The following DCP1B variants were observed in gnomAD, a reference collection of about 807,000 sequenced individuals.
DCP1B encodes mRNA-decapping enzyme 1B.
A neutral mutation model predicts 60.5 loss-of-function variants in DCP1B; 47 were observed. The ratio of observed to expected loss-of-function variants is 0.78; its 90% CI spans 0.61 to 0.99. The LOEUF is 0.99. Among genes scored for constraint, DCP1B ranks in the 50% least tolerant of loss-of-function variants. The pLI is 0.00. For synonymous variants in DCP1B, 267 were observed against 280.3 expected, an observed-to-expected ratio of 0.95 and a Z score of 0.47; for missense variants, 725 against 756.8, an observed-to-expected ratio of 0.96 and a Z score of 0.49.
intron 2 of DCP1B, among the ~76,000 whole-genome samples, chr12:1,995,412 T>G (rs2040563373): frequency 6.6e-6 from 1 of 152,258 alleles, no homozygotes; most frequent in Non-Finnish European, 1.5e-5. Flanking sequence ...GTGCTCATAC[T>G]CTACCCAATA....
chr12:1,960,762 C>T (rs371161778), intron 5 of DCP1B, among the ~76,000 whole-genome samples: 3 of 152,114 alleles, frequency 2.0e-5, no homozygotes, highest in Non-Finnish European at 4.4e-5. Flanking sequence ...AATACTTATC[C>T]AACACAAGCC....
intron 3 of DCP1B, among the ~76,000 whole-genome samples, chr12:1,977,527 G>A (rs756403534): frequency 1.1e-4 from 16 of 152,158 alleles, no homozygotes; most frequent in Admixed American, 2.0e-4. Flanking sequence ...AGTGATTTGC[G>A]AATTTTGTTA....
At chr12:1,961,602 C>T (rs2031127332) in intron 5 of DCP1B, among the ~76,000 whole-genome samples, 3 of 152,168 alleles carry the variant, frequency 2.0e-5, no homozygotes, top group South Asian at 4.1e-4. Context: ...AACCAGTTTA[C>T]AGTGTACTGG....
chr12:1,993,675 T>C (rs1249001649), intron 2 of DCP1B, among the ~76,000 whole-genome samples: 1 of 150,244 alleles, frequency 6.7e-6, no homozygotes, highest in Non-Finnish European at 1.5e-5. Flanking sequence ...TGTTGTTTAT[T>C]TCTTAACCTA....
At chr12:1,943,529 G>A (rs542145670), downstream of DCP1B, among the ~76,000 whole-genome samples, 2 of 152,070 alleles carry the variant, frequency 1.3e-5, no homozygotes, top group African/African-American at 2.4e-5. Flanking sequence ...ACATCAAAGC[G>A]AAAATCCTTA....
At position 1,993,318 on chromosome 12, in the gene DCP1B, T is replaced by C; in HGVS notation, c.265A>G (p.Lys89Glu). 1 of 1,614,146 alleles carries C rather than the reference T, an allele frequency of 6.2e-7. No homozygotes were observed. Among genetic ancestry groups the C allele is most frequent in the Non-Finnish European group, 8.5e-7 (1 of 1,179,978 alleles). Residue 89 changes from lysine (K) to glutamate (E), a missense_variant, in exon 3 of 9, where the codon AAA (lysine) becomes GAA (glutamate). Transcript: ENST00000280665. ...TCCTGGAGTTGGAAATCCAAGTCTT[T>C]AGTAATAGGTTCTGTCCTATTTTCC... ...SMENRTEPIT[K>E]DLDFQLQDPF... is the part of the protein sequence containing the mutation.
intron 5 of DCP1B, among the ~76,000 whole-genome samples, chr12:1,964,602 T>C (rs1405113136): frequency 6.6e-6 from 1 of 152,236 alleles, no homozygotes; most frequent in Non-Finnish European, 1.5e-5. Flanking sequence ...TCCTGGTGTA[T>C]GCTGTAAGGT....
At chr12:1,998,266 A>C (rs185070315) in intron 1 of DCP1B, among the ~76,000 whole-genome samples, 26 of 152,360 alleles carry the variant, frequency 1.7e-4, no homozygotes, top group Admixed American at 4.6e-4. Context: ...AACAATGAGA[A>C]AATAAGTGTG....
chr12:1,953,988 G>A (rs1373641803), intron 6 of DCP1B, among the ~76,000 whole-genome samples: 1 of 152,178 alleles, frequency 6.6e-6, no homozygotes, highest in Non-Finnish European at 1.5e-5. Context: ...TTCAAGACCA[G>A]CCTGGGCAAC....
At chr12:1,968,255 G>A (rs897350953) in intron 3 of DCP1B, among the ~76,000 whole-genome samples, 1 of 151,838 alleles carries the variant, frequency 6.6e-6, no homozygotes, top group Non-Finnish European at 1.5e-5. Flanking sequence ...GGGATGCAGA[G>A]GCAGGAGAAT....
chr12:1,984,776 G>GGT (rs2037169556), intron 3 of DCP1B, among the ~76,000 whole-genome samples: 4 of 84,658 alleles, frequency 4.7e-5, no homozygotes, highest in Non-Finnish European at 9.4e-5. Context: ...TGGGTCTTCT[G>GGT]GTAAAAAAAA....
Position 1,961,537 on chromosome 12 carries a change from A to G in DCP1B, c.522+4021T>C, listed in dbSNP as rs560949513. 5 of 152,380 alleles carry G rather than the reference A, an allele frequency of 3.3e-5. No individual in the cohort carries two copies. In the East Asian group the frequency reaches 9.6e-4, roughly 29 times the overall value. The allele number at this position is 152,380 out of a possible 1,614,324, so 9.4% of individuals were successfully genotyped here. A position where few individuals can be genotyped will look rare whatever the true frequency, so the allele number is the denominator to read the frequency against. On this transcript the variant is annotated intron_variant, in intron 5 of 8. Coordinates refer to ENST00000280665, the MANE Select transcript of DCP1B (RefSeq NM_152640.5). ...AATTAAGTGTCTGCACTTCATGTCA[A>G]CATTATAACAAATCTGTGAGGGCAT...
At chr12:1,951,625 C>T (rs900013699) in intron 7 of DCP1B, among the ~76,000 whole-genome samples, 9 of 152,026 alleles carry the variant, frequency 5.9e-5, no homozygotes, top group African/African-American at 1.7e-4. Context: ...GCTATACTGA[C>T]GATACAGAGA....
Position 1,967,779 on chromosome 12 carries a change from C to T in DCP1B, c.386+65G>A, listed in dbSNP as rs1045787174. The T allele has an allele frequency of 7.9e-6, 11 of 1,384,814 alleles. No individual in the cohort carries two copies. In the African/African-American group the frequency reaches 1.0e-4, roughly 13 times the overall value. 85.8% of individuals were successfully genotyped at this position (1,384,814 alleles called of 1,614,324 possible). A position where few individuals can be genotyped will look rare whatever the true frequency, so the allele number is the denominator to read the frequency against. Reference sequence around the variant, plus strand: ...TTCTGTTAAGACTGTAGTATAGTTACACACACTTAGAAATACAAACAAAAG... The same window carrying T: ...TTCTGTTAAGACTGTAGTATAGTTATACACACTTAGAAATACAAACAAAAG... On this transcript the variant is annotated intron_variant, in intron 4 of 8. Coordinates refer to ENST00000280665, the MANE Select transcript of DCP1B (RefSeq NM_152640.5).
At position 1,946,212 on chromosome 12, in the gene DCP1B, A is replaced by G; in HGVS notation, c.1848T>C (p.Thr616=). The G allele has an allele frequency of 1.2e-6, 2 of 1,601,262 alleles. No homozygotes were observed. Among genetic ancestry groups the G allele is most frequent in the Non-Finnish European group, 1.7e-6 (2 of 1,174,904 alleles). Residue 616 remains threonine, a synonymous_variant, in exon 9 of 9, where the codon ACT becomes ACC. Transcript: ENST00000280665. The part of the protein sequence containing the change: ...FSMTQAAMKK[T]M Reference sequence around the variant, plus strand: ...GTTTTAAAAGGCCTTGCTGTCACATAGTCTTTTTCATGGCTGCTTGAGTCA... The same window carrying G: ...GTTTTAAAAGGCCTTGCTGTCACATGGTCTTTTTCATGGCTGCTTGAGTCA...
chr12:1,980,090 G>C (rs944670670), intron 3 of DCP1B, among the ~76,000 whole-genome samples: 1 of 152,102 alleles, frequency 6.6e-6, no homozygotes, highest in African/African-American at 2.4e-5. Context: ...CATACACTAT[G>C]TCCCCATCAA....
chr12:1,953,116 G>A lies in DCP1B; in HGVS notation c.824C>T (p.Ser275Phe). Residue 275 changes from serine (S) to phenylalanine (F), a missense_variant, in exon 7 of 9, where the codon TCC becomes TTC. Physicochemically the swap from Ser to Phe is radical, Grantham distance 155 (BLOSUM62 -2). Coordinates refer to ENST00000280665, the MANE Select transcript of DCP1B (RefSeq NM_152640.5). ...PIRQGVVRSL[S>F]YEEPRRHSPP... ...TGAGTGTCTTCTGGGTTCCTCATAG[G>A]ACAGGGAGCGTACAACCCCCTGCCT... is the stretch of plus-strand genomic sequence containing the variant. The A allele has an allele frequency of 6.2e-7, 1 of 1,613,942 alleles. No homozygotes were observed.
intron 7 of DCP1B, 56 bp from the exon 8 acceptor site, chr12:1,949,390 T>A: frequency 6.3e-7 from 1 of 1,593,376 alleles, no homozygotes; most frequent in Non-Finnish European, 8.6e-7. Context: ...CACGGCATGA[T>A]AGCTTGCAGC....
chr12:1,969,532 C>T (rs1241182261), intron 3 of DCP1B, among the ~76,000 whole-genome samples: 1 of 145,410 alleles, frequency 6.9e-6, no homozygotes, highest in Non-Finnish European at 1.5e-5. Context: ...CATTTTCCTC[C>T]TTGGTACACT....
Sources: gnomAD v4.1 joint callset for allele counts (sites outside exome capture counted in the v4.1 genomes callset) on GRCh38, gnomAD v4.1.1 for gene constraint, MANE v1.5 for transcripts, NCBI Gene and HGNC (gene_info 2026-07-23, HGNC 2026-07-21) for gene names.